BMPR2: variants seen among roughly 807,000 people sequenced by gnomAD.
The protein encoded by BMPR2 is bone morphogenetic protein receptor type-2.
A neutral mutation model predicts 100.8 loss-of-function variants in BMPR2; 29 were observed. The ratio of observed to expected loss-of-function variants is 0.29; its 90% CI spans 0.21 to 0.39. The LOEUF is 0.39. BMPR2 is among the 10% of genes least tolerant of loss of function. The pLI is 1.00. For missense variants in BMPR2, 1,011 were observed against 1,274.5 expected (o/e 0.79, Z 3.15); for synonymous variants, 382 against 442.3 (o/e 0.86, Z 1.71).
At chr2:202,430,361 T>C (rs543646061) in intron 1 of BMPR2, among the ~76,000 whole-genome samples, 3 of 152,346 alleles carry the variant, frequency 2.0e-5, no homozygotes, top group African/African-American at 7.2e-5. Flanking sequence ...GTTTACATGA[T>C]TGTCTTTCCC....
At chr2:202,513,852 C>T (rs1687666722) in intron 4 of BMPR2, 23 bp downstream of exon 4, 2 of 1,529,644 alleles carry the variant, frequency 1.3e-6, no homozygotes, top group Non-Finnish European at 1.8e-6. Context: ...ATTTTTTGTC[C>T]TATTGTTTAT....
chr2:202,455,414 A>G (rs1692073655), intron 1 of BMPR2, among the ~76,000 whole-genome samples: 1 of 152,146 alleles, frequency 6.6e-6, no homozygotes, highest in Non-Finnish European at 1.5e-5. Context: ...AAATATGACT[A>G]CTGGTTACTG....
At chr2:202,385,410 G>C (rs561759157) in intron 1 of BMPR2, among the ~76,000 whole-genome samples, 14 of 126,506 alleles carry the variant, frequency 1.1e-4, no homozygotes, top group African/African-American at 4.4e-4. Flanking sequence ...TTGTTGCCCA[G>C]GTGGGAGTAC....
At chr2:202,449,984 C>T (rs1040653885) in intron 1 of BMPR2, among the ~76,000 whole-genome samples, 7 of 152,058 alleles carry the variant, frequency 4.6e-5, no homozygotes, top group Non-Finnish European at 7.4e-5. Context: ...ATGGCATGCA[C>T]GTGTGATCCC....
Position 202,377,004 on chromosome 2 carries a change from C to T in BMPR2, c.-471C>T. ...CCGCGGGCGATGCGACTAGGGCTGC[C>T]GGGCGCCGCCGCCGCCCGTCCGGCT... On this transcript the variant is annotated 5_prime_UTR_variant, in exon 1 of 13. Transcript: ENST00000374580. The T allele has an allele frequency of 2.1e-6, 1 of 465,920 alleles. No homozygotes were observed. Among genetic ancestry groups the T allele is most frequent in the South Asian group, 5.1e-5 (1 of 19,692 alleles). The allele number at this position is 465,920 out of a possible 1,614,324, so 28.9% of individuals were successfully genotyped here.
At chr2:202,502,887 G>T (rs1687427705) in intron 3 of BMPR2, among the ~76,000 whole-genome samples, 2 of 152,166 alleles carry the variant, frequency 1.3e-5, no homozygotes. Context: ...CCCTTTCTAG[G>T]TCCTGTGGCA....
Position 202,556,420 on chromosome 2 carries a change from G to C in BMPR2, c.2755G>C (p.Gly919Arg), listed in dbSNP as rs767512408. The C allele has an allele frequency of 3.1e-6, 5 of 1,614,124 alleles. No homozygotes were observed. The highest frequency in any genetic ancestry group is 2.2e-5 in the East Asian group (1 of 44,872). ...TTCAGAACAAGATGTTCTTGCACAG[G>C]GTGTTCCAAGCACAGCAGCAGATCC... The part of the protein sequence containing the change: ...PCSEQDVLAQ[G>R]VPSTAADPGP... The change falls in exon 12 of 13, where the codon GGT becomes CGT. Residue 919 changes from glycine (G) to arginine (R), a missense_variant. Around this residue, in one of 6 missense-constraint regions of BMPR2, gnomAD observed 508 missense variants for 552.0 expected, o/e 0.92. Transcript: ENST00000374580.
At position 202,532,457 on chromosome 2, in the gene BMPR2, G is replaced by T; in HGVS notation, c.1129-128G>T. 2 of 1,166,532 alleles carry T rather than the reference G, an allele frequency of 1.7e-6. No individual in the cohort carries two copies. Among genetic ancestry groups the T allele is most frequent in the Non-Finnish European group, 2.5e-6 (2 of 813,294 alleles). The allele number at this position is 1,166,532 out of a possible 1,614,324, so 72.3% of individuals were successfully genotyped here. On this transcript the variant is annotated intron_variant, in intron 8 of 12. Coordinates refer to ENST00000374580, the MANE Select transcript of BMPR2 (RefSeq NM_001204.7). The surrounding 1 kb of genome is among the most constrained non-coding windows in gnomAD (Gnocchi z 4.1). Reference sequence around the variant, plus strand: ...TAGGTAAAAAATAAGTTATAGAAAGGTTTAATGACATGGTTAGGGTCAAAT... The same window carrying T: ...TAGGTAAAAAATAAGTTATAGAAAGTTTTAATGACATGGTTAGGGTCAAAT...
At chr2:202,406,277 G>T (rs1027204907) in intron 1 of BMPR2, among the ~76,000 whole-genome samples, 1 of 152,220 alleles carries the variant, frequency 6.6e-6, no homozygotes, top group African/African-American at 2.4e-5. Context: ...TGTGTTCCGA[G>T]TAAGTTGTAG....
At chr2:202,377,924 AATT>A (rs1465805969) in intron 1 of BMPR2, among the ~76,000 whole-genome samples, 2 of 152,238 alleles carry the variant, frequency 1.3e-5, no homozygotes, top group Non-Finnish European at 2.9e-5. Context: ...AGATTTTTAA[AATT>A]ATTATTATAA....
intron 3 of BMPR2, among the ~76,000 whole-genome samples, chr2:202,470,689 G>A (rs897788406): frequency 2.0e-5 from 3 of 151,368 alleles, no homozygotes; most frequent in Admixed American, 6.6e-5. Context: ...GCGTGAACCC[G>A]GGAAGCGGAG....
chr2:202,522,036 A>G (rs1687826809), intron 7 of BMPR2, among the ~76,000 whole-genome samples: 1 of 151,994 alleles, frequency 6.6e-6, no homozygotes, highest in Non-Finnish European at 1.5e-5. Flanking sequence ...ACACGCGCAC[A>G]TAATCTGAGC....
chr2:202,379,691 C>T (rs1220395180), intron 1 of BMPR2, among the ~76,000 whole-genome samples: 1 of 152,206 alleles, frequency 6.6e-6, no homozygotes, highest in Non-Finnish European at 1.5e-5. Context: ...GTTAACTCGA[C>T]AGGCGCAAAT....
At chr2:202,546,420 GA>G (rs2106035216) in intron 10 of BMPR2, among the ~76,000 whole-genome samples, 1 of 152,180 alleles carries the variant, frequency 6.6e-6, no homozygotes, top group South Asian at 2.1e-4. Flanking sequence ...ATAAAGGGGG[GA>G]AGAATAGTTT....
intron 3 of BMPR2, among the ~76,000 whole-genome samples, chr2:202,512,346 A>G (rs1184738669): frequency 2.0e-5 from 3 of 152,242 alleles, no homozygotes; most frequent in African/African-American, 7.2e-5. Context: ...CAAACATTGC[A>G]TAACTACATC....
At chr2:202,432,327 G>T (rs1043257896) in intron 1 of BMPR2, among the ~76,000 whole-genome samples, 5 of 150,676 alleles carry the variant, frequency 3.3e-5, no homozygotes, top group Non-Finnish European at 7.3e-5. Flanking sequence ...TTCCTTGCCG[G>T]TTATTTGAGA....
At chr2:202,497,145 C>T (rs952720477) in intron 3 of BMPR2, among the ~76,000 whole-genome samples, 4 of 152,222 alleles carry the variant, frequency 2.6e-5, no homozygotes, top group East Asian at 1.9e-4. Flanking sequence ...GCTGCCTTCC[C>T]GCGGGGCAGG....
chr2:202,522,815 G>A (rs1687841967), intron 7 of BMPR2, among the ~76,000 whole-genome samples: 1 of 151,902 alleles, frequency 6.6e-6, no homozygotes, highest in Non-Finnish European at 1.5e-5. Context: ...GGGTGACAGA[G>A]TGAGACATCG....
intron 7 of BMPR2, among the ~76,000 whole-genome samples, chr2:202,525,921 A>C (rs1254871143): frequency 7.8e-6 from 1 of 127,424 alleles, no homozygotes. Flanking sequence ...GCTGGAGTGC[A>C]ATGGTGCGAT....
Sources: allele counts gnomAD v4.1 joint callset (sites outside exome capture counted in the v4.1 genomes callset), GRCh38; gene constraint gnomAD v4.1.1; regional missense constraint gnomAD v4.1.1; non-coding constraint Gnocchi (gnomAD v3.1); transcripts MANE v1.5; gene names NCBI Gene and HGNC (gene_info 2026-07-23, HGNC 2026-07-21).